The following DOK5 variants were observed in gnomAD, a reference collection of about 807,000 sequenced individuals.
DOK5 encodes docking protein 5, also known as downstream of tyrosine kinase 5.
In DOK5, 27 loss-of-function variants were observed where a neutral mutation model predicts 43.3. The ratio of observed to expected loss-of-function variants is 0.62; its 90% confidence interval spans 0.46 to 0.86. The LOEUF (loss-of-function observed/expected upper bound fraction) is 0.86. Ranked by LOEUF, DOK5 falls within the 40% of genes least tolerant of loss-of-function variation. The pLI, the probability that DOK5 is intolerant of heterozygous loss-of-function variation, is 0.00. For synonymous variants in DOK5, 146 were observed against 140.1 expected (o/e 1.04, Z -0.30); for missense variants, 373 against 392.9 (o/e 0.95, Z 0.43).
chr20:54,626,446 T>C (rs957785697), intron 6 of DOK5, among the ~76,000 whole-genome samples: 3 of 152,216 alleles, frequency 2.0e-5, no homozygotes, highest in African/African-American at 7.2e-5. Context: ...TTTTGAATCT[T>C]ATTTATTTTT....
chr20:54,544,832 G>T (rs954940423), intron 1 of DOK5, among the ~76,000 whole-genome samples: 1 of 152,162 alleles, frequency 6.6e-6, no homozygotes, highest in African/African-American at 2.4e-5. Flanking sequence ...GCAAAAGCCT[G>T]AGAAGACAAC....
At chr20:54,630,164 G>A (rs765432217) in intron 6 of DOK5, among the ~76,000 whole-genome samples, 4 of 152,202 alleles carry the variant, frequency 2.6e-5, no homozygotes, top group Non-Finnish European at 5.9e-5. Context: ...AAACGCTACT[G>A]CAGTCATCTG....
chr20:54,634,383 T>G (rs992744602), intron 6 of DOK5, among the ~76,000 whole-genome samples: 3 of 151,764 alleles, frequency 2.0e-5, no homozygotes, highest in Non-Finnish European at 4.4e-5. Context: ...CAATGTTACT[T>G]TTTCTGGGGC....
At chr20:54,477,736 G>A (rs1348277967) in intron 1 of DOK5, among the ~76,000 whole-genome samples, 1 of 152,040 alleles carries the variant, frequency 6.6e-6, no homozygotes, top group South Asian at 2.1e-4. Flanking sequence ...TCTGTGTTAG[G>A]GAGCATTCCA....
At chr20:54,506,583 C>G (rs936147637) in intron 1 of DOK5, among the ~76,000 whole-genome samples, 3 of 152,212 alleles carry the variant, frequency 2.0e-5, no homozygotes, top group African/African-American at 7.2e-5. Flanking sequence ...CGTCAGCCTC[C>G]CAGGTAGCTG....
chr20:54,490,102 CT>C (rs1479289690), intron 1 of DOK5, among the ~76,000 whole-genome samples: 6 of 152,054 alleles, frequency 3.9e-5, no homozygotes, highest in African/African-American at 1.2e-4. Context: ...AGGCTTTTTT[CT>C]TTTAAGAGTA....
At chr20:54,524,243 T>C (rs1287131577) in intron 1 of DOK5, among the ~76,000 whole-genome samples, 4 of 152,086 alleles carry the variant, frequency 2.6e-5, no homozygotes, top group Non-Finnish European at 5.9e-5. Context: ...AAGGATGAAG[T>C]GAGGGGCAGC....
At chr20:54,630,883 G>A (rs1356300911) in intron 6 of DOK5, among the ~76,000 whole-genome samples, 1 of 152,074 alleles carries the variant, frequency 6.6e-6, no homozygotes, top group East Asian at 1.9e-4. Flanking sequence ...TTTAAAAACC[G>A]GTTATCAGAA....
chr20:54,643,669 A>G, intron 7 of DOK5, 91 bp downstream of exon 7: 1 of 1,485,952 alleles, frequency 6.7e-7, no homozygotes, highest in African/African-American at 1.4e-5. Context: ...GCTGCATGCC[A>G]GCTGGTTAGT....
chr20:54,488,259 C>A (rs978494822), intron 1 of DOK5, among the ~76,000 whole-genome samples: 3 of 152,152 alleles, frequency 2.0e-5, no homozygotes, highest in Non-Finnish European at 2.9e-5. Context: ...TGGATAGCAA[C>A]CCTTCCCAGA....
At chr20:54,531,548 A>G (rs999301108) in intron 1 of DOK5, among the ~76,000 whole-genome samples, 7 of 152,218 alleles carry the variant, frequency 4.6e-5, no homozygotes, top group African/African-American at 1.7e-4. Context: ...TTTGGATACA[A>G]GGAAGATAGA....
intron 5 of DOK5, among the ~76,000 whole-genome samples, chr20:54,594,028 A>G (rs1986059906): frequency 6.6e-6 from 1 of 152,192 alleles, no homozygotes; most frequent in Non-Finnish European, 1.5e-5. Context: ...GGATCAGGAA[A>G]AATAAATAAT....
intron 1 of DOK5, among the ~76,000 whole-genome samples, chr20:54,501,674 CAT>C (rs1258666829): frequency 6.6e-6 from 1 of 152,010 alleles, no homozygotes; most frequent in Non-Finnish European, 1.5e-5. Flanking sequence ...CATGAAGATA[CAT>C]ACAGTGTTTT....
At chr20:54,509,040 C>A (rs2146685489) in intron 1 of DOK5, among the ~76,000 whole-genome samples, 1 of 152,040 alleles carries the variant, frequency 6.6e-6, no homozygotes, top group South Asian at 2.1e-4. Flanking sequence ...CCCCACCCAG[C>A]TAGTTTTTGT....
chr20:54,546,476 G>T, intron 1 of DOK5, among the ~76,000 whole-genome samples: 1 of 151,520 alleles, frequency 6.6e-6, no homozygotes. Flanking sequence ...GTATACATGT[G>T]CCATGTTGGT....
At position 54,541,112 on chromosome 20, in the gene DOK5, G is replaced by A. The variant is rs6098060; in HGVS notation, c.67-13821G>A. On this transcript the variant is annotated intron_variant, in intron 1 of 7. Transcript: ENST00000262593. ...ATGAAAACTCCATTCTCCCACTTGCGTGAGCTAAACATTTTGGAATCATCC... is the reference window on the plus strand; with the variant it reads ...ATGAAAACTCCATTCTCCCACTTGCATGAGCTAAACATTTTGGAATCATCC... Among the ~76,000 whole-genome samples the A allele has an allele frequency of 5.3e-5, 8 of 152,052 alleles. No individual in the cohort carries two copies. The East Asian group carries it at 9.6e-4, about 18-fold the overall frequency.
At chr20:54,603,421 C>T (rs6023405) in intron 5 of DOK5, among the ~76,000 whole-genome samples, 26,577 of 152,188 alleles carry the variant, frequency 0.17, 4,300 homozygotes, top group African/African-American at 0.43. Context: ...GATAGTCAAC[C>T]ACAGAATGTC....
intron 4 of DOK5, among the ~76,000 whole-genome samples, chr20:54,589,920 G>C (rs537439965): frequency 2.6e-5 from 4 of 152,262 alleles, no homozygotes; most frequent in Admixed American, 1.3e-4. Context: ...TTGAGCTACA[G>C]AGAGGTTAAG....
intron 6 of DOK5, among the ~76,000 whole-genome samples, chr20:54,634,000 C>A (rs577318966): frequency 4.8e-4 from 73 of 152,320 alleles, no homozygotes; most frequent in Middle Eastern, 6.8e-3. Context: ...CTAAGACCTG[C>A]CACTGCTCTG....
Sources: allele counts gnomAD v4.1 joint callset (sites outside exome capture counted in the v4.1 genomes callset), GRCh38; gene constraint gnomAD v4.1.1; transcripts MANE v1.5; gene names NCBI Gene and HGNC (gene_info 2026-07-23, HGNC 2026-07-21).